The following INSL6 variants were observed in gnomAD, a reference collection of about 807,000 sequenced individuals.
The protein encoded by INSL6 is insulin like 6, also known as insulin-like peptide INSL6.
A neutral mutation model predicts 9.4 loss-of-function variants in INSL6; 16 were observed. The ratio of observed to expected loss-of-function variants is 1.70; its 90% CI spans 1.15 to 2.59. The LOEUF (loss-of-function observed/expected upper bound fraction) is 2.59. Among genes scored for constraint, INSL6 ranks in the 30% most tolerant of loss-of-function variants. The pLI is 0.00. For missense variants in INSL6, 391 were observed against 257.3 expected, an observed-to-expected ratio of 1.52 and a Z score of -3.56; for synonymous variants, 154 against 96.9, an observed-to-expected ratio of 1.59 and a Z score of -3.46.
intron 1 of INSL6, among the ~76,000 whole-genome samples, chr9:5,177,473 G>A (rs1825336578): frequency 6.6e-6 from 1 of 152,212 alleles, no homozygotes; most frequent in Non-Finnish European, 1.5e-5. Context: ...ACACAGAGCT[G>A]TGTGGAGTCT....
At chr9:5,135,763 A>G (rs1183366785) in intron 2 of INSL6, among the ~76,000 whole-genome samples, 1 of 152,216 alleles carries the variant, frequency 6.6e-6, no homozygotes, top group East Asian at 1.9e-4. Flanking sequence ...GATGAGAAAT[A>G]ACTAAGATCA....
At chr9:5,116,614 G>C in the INSL6 span, among the ~76,000 whole-genome samples, 1 of 152,090 alleles carries the variant, frequency 6.6e-6, no homozygotes, top group African/African-American at 2.4e-5. Context: ...TCAGAGATTT[G>C]GTTATACTTA....
downstream of INSL6, among the ~76,000 whole-genome samples, chr9:5,121,002 T>G (rs914277137): frequency 6.6e-6 from 1 of 152,094 alleles, no homozygotes; most frequent in Non-Finnish European, 1.5e-5. Flanking sequence ...TTTGGGAGAC[T>G]TTAGTATATA....
At chr9:5,067,984 A>T in the INSL6 span, among the ~76,000 whole-genome samples, 20 of 152,056 alleles carry the variant, frequency 1.3e-4, no homozygotes, top group African/African-American at 4.6e-4. Context: ...AAATGGTGAA[A>T]CCCTGTCTCT....
chr9:4,995,516 C>A, the INSL6 span, among the ~76,000 whole-genome samples: 1 of 152,198 alleles, frequency 6.6e-6, no homozygotes, highest in Admixed American at 6.5e-5. Flanking sequence ...GATAATCCTT[C>A]TTTTCTCTGC....
chr9:5,163,713 G>A (rs1384194934), downstream of INSL6: 14 of 529,900 alleles, frequency 2.6e-5, no homozygotes, highest in Non-Finnish European at 4.7e-5. Flanking sequence ...TCTTCAAAAA[G>A]CGTATGAAAA....
intron 1 of INSL6, among the ~76,000 whole-genome samples, chr9:5,179,746 A>G (rs1458652931): frequency 6.6e-6 from 1 of 152,226 alleles, no homozygotes; most frequent in African/African-American, 2.4e-5. Flanking sequence ...ATGCAGGAAC[A>G]GAAACCAAAC....
chr9:5,151,882 T>G (rs1824720314), intron 2 of INSL6, among the ~76,000 whole-genome samples: 1 of 152,148 alleles, frequency 6.6e-6, no homozygotes, highest in Non-Finnish European at 1.5e-5. Flanking sequence ...AATGACACGT[T>G]GTTTACAAGA....
the INSL6 span, among the ~76,000 whole-genome samples, chr9:5,116,688 T>C: frequency 6.6e-6 from 1 of 152,028 alleles, no homozygotes; most frequent in Non-Finnish European, 1.5e-5. Context: ...TACAGGGAGG[T>C]AGGGATATGA....
intron 2 of INSL6, among the ~76,000 whole-genome samples, chr9:5,153,982 C>T (rs1447420429): frequency 6.6e-6 from 1 of 152,180 alleles, no homozygotes; most frequent in African/African-American, 2.4e-5. Context: ...CTTTAAATCT[C>T]ATGTGGAACC....
the INSL6 span, chr9:5,073,922 A>G: frequency 3.2e-6 from 2 of 618,836 alleles, no homozygotes; most frequent in South Asian, 2.0e-5. Flanking sequence ...TTTGAAACTG[A>G]AAACACTGTA....
chr9:5,185,278 G>A (rs745780657), intron 1 of INSL6, 36 bp downstream of exon 1: 1 of 1,613,232 alleles, frequency 6.2e-7, no homozygotes, highest in African/African-American at 1.3e-5. Context: ...GAAATATACA[G>A]AGGTGAACAA....
chr9:5,048,411 G>C, the INSL6 span, among the ~76,000 whole-genome samples: 1 of 152,122 alleles, frequency 6.6e-6, no homozygotes, highest in East Asian at 1.9e-4. Flanking sequence ...AAAGTGCTGG[G>C]ATTACAGGTG....
the INSL6 span, among the ~76,000 whole-genome samples, chr9:5,083,878 A>G: frequency 2.6e-5 from 4 of 152,122 alleles, no homozygotes; most frequent in South Asian, 8.3e-4. Flanking sequence ...TCTCTGCACA[A>G]CTACACAATT....
chr9:5,176,760 A>G (rs1203015120), intron 1 of INSL6, among the ~76,000 whole-genome samples: 2 of 152,136 alleles, frequency 1.3e-5, no homozygotes, highest in Non-Finnish European at 2.9e-5. Context: ...AGAAAGTGAT[A>G]TAACTATCAT....
chr9:5,019,072 G>C, the INSL6 span, among the ~76,000 whole-genome samples: 1 of 152,206 alleles, frequency 6.6e-6, no homozygotes, highest in Admixed American at 6.5e-5. Flanking sequence ...GGATCTCTGA[G>C]CTTCTGTATC....
chr9:5,134,615 A>G (rs1405306097), intron 2 of INSL6, among the ~76,000 whole-genome samples: 1 of 152,160 alleles, frequency 6.6e-6, no homozygotes, highest in Non-Finnish European at 1.5e-5. Flanking sequence ...GAGAAATAAA[A>G]TCCCTCACGA....
At chr9:5,041,224 C>A in the INSL6 span, 1 of 1,470,288 alleles carries the variant, frequency 6.8e-7, no homozygotes, top group Non-Finnish European at 9.4e-7. Context: ...TGGTGGGGCG[C>A]CCGGGGACCA....
At chr9:5,029,545 C>G in the INSL6 span, among the ~76,000 whole-genome samples, 2 of 151,924 alleles carry the variant, frequency 1.3e-5, no homozygotes, top group Non-Finnish European at 2.9e-5. Context: ...AAAAAAACCC[C>G]ACAATATCTG....
Sources: gnomAD v4.1 joint callset for allele counts (sites outside exome capture counted in the v4.1 genomes callset) on GRCh38, gnomAD v4.1.1 for gene constraint, MANE v1.5 for transcripts, NCBI Gene and HGNC (gene_info 2026-07-23, HGNC 2026-07-21) for gene names.